Variants in KIF27 observed in about 807,000 individuals in gnomAD.
The protein encoded by KIF27 is kinesin-like protein KIF27.
In KIF27, 84 loss-of-function variants were observed where a neutral mutation model predicts 141.8. The ratio of observed to expected loss-of-function variants is 0.59; its 90% CI spans 0.50 to 0.71. KIF27 has a LOEUF of 0.71. KIF27 is among the 30% of genes least tolerant of loss of function. KIF27 has a pLI of 0.00. For missense variants in KIF27, 1,306 were observed against 1,628.4 expected (o/e 0.80, Z 3.41); for synonymous variants, 471 against 569.5 (o/e 0.83, Z 2.46).
At chr9:83,871,775 C>T (rs971274556) in intron 11 of KIF27, among the ~76,000 whole-genome samples, 4 of 151,850 alleles carry the variant, frequency 2.6e-5, no homozygotes, top group Admixed American at 2.6e-4. Context: ...GCAACCTCCG[C>T]CTCCCAGGTT....
intron 14 of KIF27, among the ~76,000 whole-genome samples, chr9:83,857,798 C>T (rs986502234): frequency 1.3e-5 from 2 of 151,996 alleles, no homozygotes; most frequent in Non-Finnish European, 2.9e-5. Flanking sequence ...ATGAATCTTC[C>T]CCCAAATGAT....
At chr9:83,921,317 A>G (rs1349973755) in intron 1 of KIF27, 54 bp downstream of exon 1, 1 of 125,326 alleles carries the variant, frequency 8.0e-6, no homozygotes, top group Non-Finnish European at 1.6e-5. Flanking sequence ...GGGCACCGCG[A>G]AGGGAGGGCG....
chr9:83,890,758 T>C (rs1360897774), intron 6 of KIF27, among the ~76,000 whole-genome samples: 1 of 152,206 alleles, frequency 6.6e-6, no homozygotes, highest in African/African-American at 2.4e-5. Flanking sequence ...CCAAAACTCA[T>C]GAATCTGCTA....
At chr9:83,911,113 C>T (rs1176856520) in intron 2 of KIF27, among the ~76,000 whole-genome samples, 1 of 152,172 alleles carries the variant, frequency 6.6e-6, no homozygotes, top group Non-Finnish European at 1.5e-5. Context: ...GTCACCCAGG[C>T]TGGAGTGCAG....
intron 5 of KIF27, chr9:83,898,774 G>A (rs941814341): frequency 1.3e-5 from 2 of 152,236 alleles, no homozygotes; most frequent in African/African-American, 2.4e-5. Flanking sequence ...GAGCAACACA[G>A]TGAGACCCTG....
chr9:83,844,305 G>T (rs113075437), intron 16 of KIF27, among the ~76,000 whole-genome samples: 3,650 of 78,020 alleles, frequency 0.047, 109 homozygotes, highest in African/African-American at 0.2. Context: ...TATATATATA[G>T]AGAGAGATAT....
chr9:83,868,091 G>C (rs1043069508), intron 12 of KIF27: 4 of 426,200 alleles, frequency 9.4e-6, no homozygotes, highest in Non-Finnish European at 1.6e-5. Flanking sequence ...ATGTTAAACA[G>C]TCTAGGATTT....
intron 3 of KIF27, among the ~76,000 whole-genome samples, chr9:83,906,416 T>A (rs1237910466): frequency 6.6e-6 from 1 of 152,096 alleles, no homozygotes; most frequent in Admixed American, 6.6e-5. Flanking sequence ...CCAGGAAGGT[T>A]CCACTAAATA....
chr9:83,849,683 T>C (rs1300189479), intron 16 of KIF27: 1 of 159,842 alleles, frequency 6.3e-6, no homozygotes, highest in Non-Finnish European at 1.4e-5. Flanking sequence ...TAACCAGAAA[T>C]ATAACTAGGA....
intron 5 of KIF27, among the ~76,000 whole-genome samples, chr9:83,896,196 T>C (rs908194257): frequency 1.3e-5 from 2 of 152,090 alleles, no homozygotes; most frequent in Non-Finnish European, 2.9e-5. Flanking sequence ...TGAGCGGAGA[T>C]TGTGCCACTG....
Position 83,834,232 on chromosome 9 carries a change from A to G in KIF27, c.*2769T>C, listed in dbSNP as rs553238104. Among the ~76,000 whole-genome samples the G allele has an allele frequency of 1.3e-5, 2 of 152,308 alleles. No homozygotes were observed. The highest frequency in any genetic ancestry group is 4.8e-5 in the African/African-American group (2 of 41,572). ...CAAAATGTTTAGAAAAAGCATGTGA[A>G]AAAGTAAAATCATTATTAGTATATG... On this transcript the variant is annotated 3_prime_UTR_variant, in exon 18 of 18. Coordinates refer to ENST00000297814, the MANE Select transcript of KIF27 (RefSeq NM_017576.4).
intron 1 of KIF27, among the ~76,000 whole-genome samples, chr9:83,916,221 CAG>C (rs1235194616): frequency 2.6e-5 from 4 of 152,012 alleles, no homozygotes; most frequent in African/African-American, 9.7e-5. Context: ...TTAGTAGAGA[CAG>C]GGTTTCACCA....
chr9:83,908,394 A>G, intron 3 of KIF27, 58 bp downstream of exon 3: 1 of 930,184 alleles, frequency 1.1e-6, no homozygotes, highest in Non-Finnish European at 1.6e-6. Context: ...AACTTAATTA[A>G]AGCATTAAAG....
chr9:83,848,066 A>AT lies in KIF27; in HGVS notation c.3556+2032dup. ...ATCTACATATATCTATATATCATAT[A>AT]TATGATATATGATATATCATATATA... is the stretch of plus-strand genomic sequence containing the variant. On this transcript the variant is annotated intron_variant, in intron 16 of 17. Transcript: ENST00000297814. Among the ~76,000 whole-genome samples the AT allele has an allele frequency of 7.5e-4, 7 of 9,362 alleles. 2 individuals carry two copies. The highest frequency in any genetic ancestry group is 1.7e-3 in the Non-Finnish European group (7 of 4,208). 6.1% of individuals were successfully genotyped at this position (9,362 alleles called of 152,430 possible). A position where few individuals can be genotyped will look rare whatever the true frequency, so the allele number is the denominator to read the frequency against.
chr9:83,899,617 C>G lies in KIF27; in HGVS notation c.1602+44G>C, dbSNP rs752098767. The G allele has an allele frequency of 2.0e-6, 3 of 1,501,016 alleles. No individual in the cohort carries two copies. The South Asian group carries it at 3.5e-5, about 18-fold the overall frequency. The allele number at this position is 1,501,016 out of a possible 1,614,324, so 93.0% of individuals were successfully genotyped here. ...AAATGCTACTGTGTTTAGTTAGGTA[C>G]TATTTCAAGAAAATCTACAGAGCTA... On this transcript the variant is annotated intron_variant, in intron 5 of 17. Transcript: ENST00000297814.
chr9:83,903,897 T>G lies in KIF27; in HGVS notation c.621A>C (p.Ser207=). Residue 207 remains serine (S), a synonymous_variant, in exon 4 of 18, where the codon TCA becomes TCC. Transcript: ENST00000297814. ...TTQMNEHSSR[S]HAIFTISICQ... ...AAATGCTGATTGTAAAAATTGCATG[T>G]GATCTGCTGGAGTGCTCATTCATTT... The G allele has an allele frequency of 1.2e-6, 2 of 1,614,112 alleles. No individual in the cohort carries two copies. The highest frequency in any genetic ancestry group is 1.7e-6 in the Non-Finnish European group (2 of 1,180,034).
chr9:83,920,893 G>A lies in KIF27; in HGVS notation c.-88+478C>T, dbSNP rs184827881. ...AATGCGCCCAAGTTTCAACCTCTAC[G>A]GTGGGAAATGCGCCCAAGTTTCAAC... On this transcript the variant is annotated intron_variant, in intron 1 of 17. Transcript: ENST00000297814. Among the ~76,000 whole-genome samples the A allele has an allele frequency of 1.8e-3, 267 of 151,254 alleles. 1 individual carries two copies. The highest frequency in any genetic ancestry group is 6.0e-3 in the African/African-American group (248 of 41,158).
At chr9:83,921,184 C>G (rs1191446802) in intron 1 of KIF27, among the ~76,000 whole-genome samples, 187 bp downstream of exon 1, 1 of 151,992 alleles carries the variant, frequency 6.6e-6, no homozygotes, top group Non-Finnish European at 1.5e-5. Context: ...ATAGGCCTAG[C>G]TGGCGCCCCA....
rs190340573 is a variant in KIF27, at chr9:83,896,938, C to T, written c.1602+2723G>A. Among the ~76,000 whole-genome samples the T allele has an allele frequency of 3.5e-3, 538 of 152,130 alleles. 3 individuals are homozygous for T. Among genetic ancestry groups the T allele is most frequent in the Non-Finnish European group, 5.9e-3 (401 of 67,984 alleles). On this transcript the variant is annotated intron_variant, in intron 5 of 17. Transcript: ENST00000297814. ...AGGAAAGGAGGAAAATGAGGAGTGA[C>T]TGCTAGTGGATACAATATTTTCATT...
Sources: allele counts gnomAD v4.1 joint callset (sites outside exome capture counted in the v4.1 genomes callset), GRCh38; gene constraint gnomAD v4.1.1; transcripts MANE v1.5; gene names NCBI Gene and HGNC (gene_info 2026-07-23, HGNC 2026-07-21).